TSHR: variants seen among roughly 807,000 people sequenced by gnomAD.
The protein encoded by TSHR is thyroid stimulating hormone receptor.
Under a neutral mutation model 64.1 loss-of-function variants are expected in TSHR, and 51 were observed. The ratio of observed to expected loss-of-function variants is 0.80; its 90% CI spans 0.64 to 1.01. TSHR has a LOEUF of 1.01. Ranked by LOEUF, TSHR falls within the 50% of genes least tolerant of loss-of-function variation. The pLI, the probability that TSHR is intolerant of heterozygous loss-of-function variation, is 0.00. For missense variants in TSHR, 877 were observed against 942.8 expected (o/e 0.93, Z 0.91); for synonymous variants, 361 against 361.9 (o/e 1.00, Z 0.03).
intron 1 of TSHR, chr14:80,993,224 C>G (rs1888836965): frequency 6.6e-6 from 1 of 152,146 alleles, no homozygotes; most frequent in Non-Finnish European, 1.5e-5. Context: ...AAGAACTGTT[C>G]TAAAGATCAC....
intron 1 of TSHR, among the ~76,000 whole-genome samples, chr14:80,998,076 A>G (rs1566755222): frequency 6.6e-6 from 1 of 152,220 alleles, no homozygotes; most frequent in Non-Finnish European, 1.5e-5. Flanking sequence ...TGATATAGTT[A>G]ATAACAAGGA....
At chr14:81,040,668 T>C (rs1314707379) in intron 1 of TSHR, among the ~76,000 whole-genome samples, 2 of 152,026 alleles carry the variant, frequency 1.3e-5, no homozygotes, top group African/African-American at 4.8e-5. Flanking sequence ...ATAAATGGGA[T>C]CTAAGTAAAC....
chr14:81,078,880 A>G (rs945797598), intron 3 of TSHR: 5 of 152,212 alleles, frequency 3.3e-5, no homozygotes, highest in African/African-American at 1.2e-4. Context: ...GGTGGAGGCT[A>G]CAGAGAGCAG....
intron 7 of TSHR, among the ~76,000 whole-genome samples, chr14:81,099,236 A>G (rs1015271866): frequency 2.0e-5 from 3 of 151,836 alleles, no homozygotes; most frequent in Non-Finnish European, 4.4e-5. Context: ...CGTTTTACAT[A>G]TGAAGGGAAT....
At chr14:80,999,205 A>G (rs1157900091) in intron 1 of TSHR, among the ~76,000 whole-genome samples, 1 of 152,232 alleles carries the variant, frequency 6.6e-6, no homozygotes, top group African/African-American at 2.4e-5. Context: ...TAGGGTAAAA[A>G]GAGCTTACTA....
intron 1 of TSHR, among the ~76,000 whole-genome samples, chr14:81,061,775 C>A (rs72689940): frequency 0.12 from 17,695 of 151,882 alleles, 1,120 homozygotes; most frequent in Middle Eastern, 0.19. Context: ...TGCACATGTA[C>A]CCCCAAACCT....
intron 1 of TSHR, among the ~76,000 whole-genome samples, chr14:81,056,002 C>G (rs973099821): frequency 2.0e-5 from 3 of 152,036 alleles, no homozygotes; most frequent in African/African-American, 7.2e-5. Context: ...GTGTCCCCAC[C>G]CAAATCTTGA....
intron 1 of TSHR, among the ~76,000 whole-genome samples, chr14:81,035,732 T>G (rs1438528275): frequency 6.6e-6 from 1 of 152,218 alleles, no homozygotes; most frequent in Non-Finnish European, 1.5e-5. Flanking sequence ...GCTTCTTTGT[T>G]TGATGCTGGG....
chr14:81,088,608 C>A (rs943773711), intron 4 of TSHR, among the ~76,000 whole-genome samples: 1 of 152,136 alleles, frequency 6.6e-6, no homozygotes, highest in African/African-American at 2.4e-5. Context: ...ACAGAGTAGG[C>A]GCTCAGTACA....
chr14:81,024,245 T>TTTTGC (rs1409589626), intron 1 of TSHR, among the ~76,000 whole-genome samples: 4 of 151,846 alleles, frequency 2.6e-5, no homozygotes, highest in African/African-American at 9.7e-5. Context: ...ATGGTTTTTT[T>TTTTGC]TTGTTTGTTT....
rs2075179 is a variant in TSHR at position 81,096,654 on chromosome 14, T to C, written c.561T>C (p.Asn187=). 260,346 of 1,613,102 alleles carry C rather than the reference T, an allele frequency of 0.16. 28,533 individuals are homozygous for C. Among genetic ancestry groups the C allele is most frequent in the African/African-American group, 0.55 (41,011 of 74,906 alleles). Residue 187 remains asparagine (N), a synonymous_variant, in exon 7 of 10, where the codon AAT becomes AAC. Coordinates refer to ENST00000298171, the MANE Select transcript of TSHR (RefSeq NM_000369.5). ...TTGGTTGTAGGAAGCTGTACAACAATGGCTTTACTTCAGTCCAAGGATATG... is the reference window on the plus strand; with the variant it reads ...TTGGTTGTAGGAAGCTGTACAACAACGGCTTTACTTCAGTCCAAGGATATG... ...NETLTLKLYN[N]GFTSVQGYAF...
intron 1 of TSHR, among the ~76,000 whole-genome samples, chr14:80,975,006 G>A (rs139471891): frequency 8.1e-4 from 124 of 152,244 alleles, no homozygotes; most frequent in African/African-American, 2.7e-3. Context: ...AAGAATCTTA[G>A]CAAGGCACAT....
chr14:81,022,511 T>A (rs1883819194), intron 1 of TSHR, among the ~76,000 whole-genome samples: 1 of 151,920 alleles, frequency 6.6e-6, no homozygotes, highest in Non-Finnish European at 1.5e-5. Flanking sequence ...TAACCCTTAA[T>A]ATGGTGGTAT....
chr14:81,107,575 A>G (rs1318564526), intron 7 of TSHR, among the ~76,000 whole-genome samples: 1 of 152,212 alleles, frequency 6.6e-6, no homozygotes, highest in African/African-American at 2.4e-5. Flanking sequence ...AATTGCTCCA[A>G]AAACATTTTA....
At chr14:81,038,303 A>G (rs1884752261) in intron 1 of TSHR, among the ~76,000 whole-genome samples, 1 of 152,018 alleles carries the variant, frequency 6.6e-6, no homozygotes, top group Non-Finnish European at 1.5e-5. Context: ...TGGAAACACA[A>G]CACACCTCAA....
rs1328793471 is a variant in TSHR, at chr14:81,028,364, G to A, written c.171-33784G>A. Among the ~76,000 whole-genome samples, 7 of 152,172 alleles carry A rather than the reference G, an allele frequency of 4.6e-5. No individual in the cohort carries two copies. The South Asian group carries it at 1.5e-3, about 32-fold the overall frequency. ...TTATGAAACAAAGAGGAGAAAAAGG[G>A]AAATCAGAGAGGTAAATCCTAGGAA... On this transcript the variant is annotated intron_variant, in intron 1 of 9. Coordinates refer to ENST00000298171, the MANE Select transcript of TSHR (RefSeq NM_000369.5).
At chr14:80,961,812 T>C (rs994080526) in intron 1 of TSHR, among the ~76,000 whole-genome samples, 1 of 152,234 alleles carries the variant, frequency 6.6e-6, no homozygotes, top group Non-Finnish European at 1.5e-5. Flanking sequence ...TGAGGAGTAT[T>C]TTATCATTTA....
At chr14:81,043,282 G>A (rs886297475) in intron 1 of TSHR, among the ~76,000 whole-genome samples, 1 of 151,892 alleles carries the variant, frequency 6.6e-6, no homozygotes, top group Non-Finnish European at 1.5e-5. Flanking sequence ...TAGCATTCCT[G>A]TACACAAACA....
chr14:81,002,035 A>G (rs1004493723), intron 1 of TSHR, among the ~76,000 whole-genome samples: 3 of 152,146 alleles, frequency 2.0e-5, no homozygotes, highest in Non-Finnish European at 4.4e-5. Flanking sequence ...GGCAACCTAC[A>G]TTGCAGCAGA....
Sources: gnomAD v4.1 joint callset for allele counts (sites outside exome capture counted in the v4.1 genomes callset) on GRCh38, gnomAD v4.1.1 for gene constraint, MANE v1.5 for transcripts, NCBI Gene and HGNC (gene_info 2026-07-23, HGNC 2026-07-21) for gene names.